Variants in TRPM1 observed in about 807,000 individuals in gnomAD.
TRPM1 encodes the protein transient receptor potential cation channel subfamily M member 1, also known as TRPM1-203 APA Isoform, Intron 10.
A neutral mutation model predicts 149.4 loss-of-function variants in TRPM1; 113 were observed. The ratio of observed to expected loss-of-function variants is 0.76; its 90% CI spans 0.65 to 0.88. The LOEUF (loss-of-function observed/expected upper bound fraction) is 0.88. Ranked by LOEUF, TRPM1 falls within the 40% of genes least tolerant of loss-of-function variation. TRPM1 has a pLI of 0.00. For missense variants in TRPM1, 1,976 were observed against 2,038.7 expected (o/e 0.97, Z 0.59); for synonymous variants, 741 against 759.5 (o/e 0.98, Z 0.40).
intron 1 of TRPM1, among the ~76,000 whole-genome samples, chr15:31,095,217 G>A (rs1327555028): frequency 6.6e-6 from 1 of 152,212 alleles, no homozygotes; most frequent in Non-Finnish European, 1.5e-5. Context: ...AAGGCCACAG[G>A]GAGAGGAAAT....
intron 1 of TRPM1, among the ~76,000 whole-genome samples, chr15:31,137,628 C>T (rs1362831807): frequency 6.6e-6 from 1 of 152,136 alleles, no homozygotes; most frequent in Non-Finnish European, 1.5e-5. Flanking sequence ...CTGTGAAGAG[C>T]TAATAAAAAG....
At chr15:31,079,799 G>T (rs2140981377) in intron 2 of TRPM1, among the ~76,000 whole-genome samples, 1 of 152,244 alleles carries the variant, frequency 6.6e-6, no homozygotes, top group Non-Finnish European at 1.5e-5. Context: ...CAATAGCAAT[G>T]AGCATACTCA....
intron 1 of TRPM1, among the ~76,000 whole-genome samples, chr15:31,141,074 C>T (rs1355271740): frequency 4.6e-5 from 7 of 151,984 alleles, no homozygotes; most frequent in South Asian, 2.1e-4. Context: ...TCAAGCGATC[C>T]GCCCCCCTCA....
At chr15:31,081,535 T>G in intron 1 of TRPM1, 97 bp from the exon 2 acceptor site, 1 of 768,504 alleles carries the variant, frequency 1.3e-6, no homozygotes, top group Non-Finnish European at 2.1e-6. Flanking sequence ...TGTTCCAGTC[T>G]CTGCTCTAAT....
intron 1 of TRPM1, among the ~76,000 whole-genome samples, chr15:31,150,680 C>A (rs1295971416): frequency 6.6e-6 from 1 of 152,058 alleles, no homozygotes; most frequent in South Asian, 2.1e-4. Flanking sequence ...GTGATCCACC[C>A]GCCTCAGCCT....
At chr15:31,094,543 A>G (rs929091608) in intron 1 of TRPM1, among the ~76,000 whole-genome samples, 2 of 152,234 alleles carry the variant, frequency 1.3e-5, no homozygotes, top group African/African-American at 4.8e-5. Flanking sequence ...CCGATTAAAA[A>G]CTGGGCAAAG....
intron 7 of TRPM1, among the ~76,000 whole-genome samples, chr15:31,063,738 C>T (rs1430851903): frequency 6.6e-6 from 1 of 152,202 alleles, no homozygotes; most frequent in Non-Finnish European, 1.5e-5. Flanking sequence ...CAGGTGTAAG[C>T]CACTGTGCCC....
rs1203653952 is a variant in TRPM1 at position 31,013,153 on chromosome 15, T to TC, written c.3630-10084_3630-10083insG. On this transcript the variant is annotated intron_variant, in intron 27 of 27. Transcript: ENST00000256552. ...CACCATGCTCTGCCAGTTGCCATGA[T>TC]ATGCACCACCATGCCTGTCCAGTTT... Among the ~76,000 whole-genome samples, 5 of 151,862 alleles carry TC rather than the reference T, an allele frequency of 3.3e-5. No homozygotes were observed. In the East Asian group the frequency reaches 9.7e-4, roughly 29 times the overall value.
chr15:31,061,664 T>C, intron 9 of TRPM1, 150 bp from the exon 10 acceptor site: 1 of 714,210 alleles, frequency 1.4e-6, no homozygotes, highest in Non-Finnish European at 2.4e-6. Flanking sequence ...ATTTCTTTTT[T>C]TTCTTTTCTT....
intron 3 of TRPM1, chr15:31,070,560 A>G: frequency 2.0e-6 from 1 of 507,984 alleles, no homozygotes; most frequent in Non-Finnish European, 3.8e-6. Flanking sequence ...CCGAACATAG[A>G]GTTGACCTTC....
chr15:31,041,051 T>C (rs1322355712), intron 17 of TRPM1, among the ~76,000 whole-genome samples: 3 of 152,130 alleles, frequency 2.0e-5, no homozygotes, highest in Non-Finnish European at 4.4e-5. Context: ...TTGGGGGGCA[T>C]GGAGAAGGTG....
chr15:31,089,288 C>G (rs1406029724), intron 1 of TRPM1, among the ~76,000 whole-genome samples: 1 of 145,270 alleles, frequency 6.9e-6, no homozygotes, highest in Non-Finnish European at 1.5e-5. Context: ...CCAACATTGC[C>G]CGGGAGGGTT....
intron 18 of TRPM1, among the ~76,000 whole-genome samples, chr15:31,039,651 A>G (rs550812972): frequency 6.6e-6 from 1 of 152,202 alleles, no homozygotes; most frequent in Non-Finnish European, 1.5e-5. Flanking sequence ...GTAGCTTCCT[A>G]TTTTCTTGTA....
chr15:31,060,774 C>G (rs2034210935), intron 10 of TRPM1, 130 bp from the exon 11 acceptor site: 1 of 779,078 alleles, frequency 1.3e-6, no homozygotes, highest in Non-Finnish European at 2.2e-6. Flanking sequence ...TGGCTTTGCT[C>G]TTGCCCTGAA....
chr15:31,075,760 T>C (rs554439681), intron 3 of TRPM1, among the ~76,000 whole-genome samples: 130 of 152,302 alleles, frequency 8.5e-4, no homozygotes, highest in African/African-American at 2.9e-3. Flanking sequence ...TTGGTTCAAA[T>C]CCCACAGACT....
chr15:31,048,377 C>G (rs1258618590), intron 13 of TRPM1, among the ~76,000 whole-genome samples: 4 of 152,152 alleles, frequency 2.6e-5, no homozygotes, highest in African/African-American at 7.2e-5. Context: ...CCCACACCAG[C>G]CTTTTTCTTT....
In TRPM1 at chr15:31,152,221, C is replaced by T. The variant is rs2036312029; in HGVS notation, c.54+8685G>A. ...CTGCAGAACTCTGCTCAGGCATGGG[C>T]ATGGATTAGTGCCTGGGTCTGAAGT... On this transcript the variant is annotated intron_variant, in intron 1 of 26. Transcript: ENST00000542188. 1.3e-5 allele frequency among the ~76,000 whole-genome samples: 2 copies of T among 152,260 alleles called. 1 individual carries two copies. Among genetic ancestry groups the T allele is most frequent in the South Asian group, 4.1e-4 (2 of 4,834 alleles).
chr15:31,128,830 T>G (rs569903744), intron 1 of TRPM1, among the ~76,000 whole-genome samples: 1 of 152,262 alleles, frequency 6.6e-6, no homozygotes. Context: ...TGAAATTCTT[T>G]ACAATTTTTG....
At chr15:31,122,939 T>A (rs1051361993) in intron 1 of TRPM1, among the ~76,000 whole-genome samples, 1 of 152,224 alleles carries the variant, frequency 6.6e-6, no homozygotes, top group Non-Finnish European at 1.5e-5. Flanking sequence ...CAAGATTTAC[T>A]ATAAAGCTAT....
Sources: allele counts gnomAD v4.1 joint callset (sites outside exome capture counted in the v4.1 genomes callset), GRCh38; gene constraint gnomAD v4.1.1; transcripts MANE v1.5; gene names NCBI Gene and HGNC (gene_info 2026-07-23, HGNC 2026-07-21).